Variants in KIRREL3 observed in about 807,000 individuals in gnomAD.
KIRREL3 encodes the protein kirre like nephrin family adhesion molecule 3.
In KIRREL3, 36 loss-of-function variants were observed where a neutral mutation model predicts 89.7. The observed-to-expected ratio is 0.40, with a 90% CI of 0.31 to 0.53. KIRREL3 has a LOEUF of 0.53. KIRREL3 is among the 20% of genes least tolerant of loss of function. The probability of loss-of-function intolerance (pLI) is 0.49; values close to 1 mark genes in which losing one functional copy is unlikely to be tolerated. For missense variants in KIRREL3, 864 were observed against 1,056.6 expected, an observed-to-expected ratio of 0.82 and a Z score of 2.53; for synonymous variants, 445 against 441.4, an observed-to-expected ratio of 1.01 and a Z score of -0.10.
intron 8 of KIRREL3, among the ~76,000 whole-genome samples, chr11:126,448,205 C>A (rs575205677): frequency 1.4e-5 from 2 of 148,058 alleles, no homozygotes; most frequent in South Asian, 4.2e-4. Flanking sequence ...ATCTCTTGAA[C>A]CAGGGAGTTG....
chr11:126,431,392 C>G lies in KIRREL3; in HGVS notation c.1696+27G>C. 6.2e-7 allele frequency: 1 copy of G among 1,613,424 alleles called. No individual in the cohort carries two copies. The highest frequency in any genetic ancestry group is 8.5e-7 in the Non-Finnish European group (1 of 1,179,676). ...CTGGCCTTTTTCTCTGTCCCCCTCC[C>G]TGAGATCCCGGATCTCCCTCCCGTA... On this transcript the variant is annotated intron_variant, in intron 14 of 16. Coordinates refer to ENST00000525144, the MANE Select transcript of KIRREL3 (RefSeq NM_032531.4). The surrounding 1 kb of genome is among the most constrained non-coding windows in gnomAD (Gnocchi z 7.1).
rs960707048 is a variant in KIRREL3, at chr11:126,697,568, G to C, written c.56-134656C>G. On this transcript the variant is annotated intron_variant, in intron 1 of 16. Transcript: ENST00000525144. This position sits in a 1 kb window ranked among gnomAD's most constrained non-coding sequence, Gnocchi z 4.2. ...TTTAATGAATGAATACATGAATAGTGATTAGAGATGAGGCCCCAGGACCTA... is the reference window on the plus strand; with the variant it reads ...TTTAATGAATGAATACATGAATAGTCATTAGAGATGAGGCCCCAGGACCTA... Among the ~76,000 whole-genome samples, 1 of 152,206 alleles carries C rather than the reference G, an allele frequency of 6.6e-6. No homozygotes were observed. Among genetic ancestry groups the C allele is most frequent in the Admixed American group, 6.5e-5 (1 of 15,282 alleles).
intron 4 of KIRREL3, among the ~76,000 whole-genome samples, chr11:126,511,276 A>T (rs1031236832): frequency 9.2e-5 from 14 of 151,790 alleles, no homozygotes; most frequent in Non-Finnish European, 1.5e-4. Context: ...GTGAGCTGAG[A>T]TCACGCCACT....
At chr11:126,971,938 A>G (rs1340916307) in intron 1 of KIRREL3, among the ~76,000 whole-genome samples, 1 of 152,188 alleles carries the variant, frequency 6.6e-6, no homozygotes, top group Non-Finnish European at 1.5e-5. Context: ...TCCAGGATAG[A>G]CAGATTAGTG....
chr11:126,435,894 C>T (rs1018732643), intron 12 of KIRREL3, among the ~76,000 whole-genome samples: 5 of 151,786 alleles, frequency 3.3e-5, no homozygotes, highest in African/African-American at 7.3e-5. Flanking sequence ...CCTCAGAGGC[C>T]CAGGCCCAGC....
At chr11:126,741,346 A>G (rs769244656) in intron 1 of KIRREL3, among the ~76,000 whole-genome samples, 3 of 152,132 alleles carry the variant, frequency 2.0e-5, no homozygotes. Context: ...CCCTTACTTA[A>G]TACTTACTAT....
At chr11:126,690,252 T>C (rs2135129518) in intron 1 of KIRREL3, among the ~76,000 whole-genome samples, 1 of 152,344 alleles carries the variant, frequency 6.6e-6, no homozygotes, top group Non-Finnish European at 1.5e-5. Flanking sequence ...CCCATCTCTG[T>C]ATTCTCCATC....
chr11:126,634,352 C>A (rs1944176118), intron 1 of KIRREL3, among the ~76,000 whole-genome samples: 1 of 152,186 alleles, frequency 6.6e-6, no homozygotes, highest in African/African-American at 2.4e-5. Context: ...GTGGAAGGTG[C>A]CATTGTTCCC....
chr11:126,959,838 C>A (rs561229241), intron 1 of KIRREL3, among the ~76,000 whole-genome samples: 1 of 152,282 alleles, frequency 6.6e-6, no homozygotes, highest in East Asian at 1.9e-4. Flanking sequence ...GCCTCCAGGA[C>A]CCCTCTCACA....
At position 126,594,726 on chromosome 11, in the gene KIRREL3, G is replaced by A. The variant is rs796151981; in HGVS notation, c.56-31814C>T. Among the ~76,000 whole-genome samples, 18 of 152,242 alleles carry A rather than the reference G, an allele frequency of 1.2e-4. 1 individual carries two copies. Among genetic ancestry groups the A allele is most frequent in the African/African-American group, 2.4e-4 (10 of 41,534 alleles). ...CTGGCCAACTCTCCTCTGTCCAGCC[G>A]CAGGTCCTCATAGAAAGGCAGAGAC... On this transcript the variant is annotated intron_variant, in intron 1 of 16. Coordinates refer to ENST00000525144, the MANE Select transcript of KIRREL3 (RefSeq NM_032531.4). This position sits in a 1 kb window ranked among gnomAD's most constrained non-coding sequence, Gnocchi z 5.0.
intron 1 of KIRREL3, among the ~76,000 whole-genome samples, chr11:126,855,018 C>A (rs1944463923): frequency 6.6e-6 from 1 of 152,176 alleles, no homozygotes; most frequent in East Asian, 1.9e-4. Flanking sequence ...TCAGCCCCAG[C>A]CCGAAGGCCC....
rs762839857 is a variant in KIRREL3 at position 126,773,913 on chromosome 11, T to C, written c.56-211001A>G. The stretch of plus-strand genomic sequence containing the variant: ...ACACCCCAGGGAGGTGAGGAGGTTG[T>C]GCACTTGTCCACTCTTAACTCTTTT... On this transcript the variant is annotated intron_variant, in intron 1 of 16. Coordinates refer to ENST00000525144, the MANE Select transcript of KIRREL3 (RefSeq NM_032531.4). The surrounding 1 kb of genome is among the most constrained non-coding windows in gnomAD (Gnocchi z 4.2). Among the ~76,000 whole-genome samples the C allele has an allele frequency of 3.9e-5, 6 of 152,208 alleles. No homozygotes were observed. Among genetic ancestry groups the C allele is most frequent in the African/African-American group, 9.6e-5 (4 of 41,452 alleles).
rs953418993 is a variant in KIRREL3 at position 126,531,838 on chromosome 11, G to A, written c.134-5151C>T. Among the ~76,000 whole-genome samples the A allele has an allele frequency of 1.3e-5, 2 of 152,180 alleles. No homozygotes were observed. Among genetic ancestry groups the A allele is most frequent in the African/African-American group, 4.8e-5 (2 of 41,436 alleles). On this transcript the variant is annotated intron_variant, in intron 2 of 16. Coordinates refer to ENST00000525144, the MANE Select transcript of KIRREL3 (RefSeq NM_032531.4). The surrounding 1 kb of genome is among the most constrained non-coding windows in gnomAD (Gnocchi z 4.7). ...TTTTCTGTCTTGTGTTCCCAGCTGT[G>A]GGTGAGCACCGGTTACACGTCTGTC...
intron 4 of KIRREL3, among the ~76,000 whole-genome samples, chr11:126,478,771 A>G (rs1194778682): frequency 1.3e-5 from 2 of 151,680 alleles, no homozygotes; most frequent in African/African-American, 4.8e-5. Context: ...GTGTGTGTAT[A>G]TGTGTGTTTG....
chr11:126,761,161 A>T lies in KIRREL3; in HGVS notation c.56-198249T>A, dbSNP rs535130904. Reference sequence around the variant, plus strand: ...ACTAGGGCTTGGAATACCTGTCTTGATCATTCTGAGAAGAATGGAAACACT... The same window carrying T: ...ACTAGGGCTTGGAATACCTGTCTTGTTCATTCTGAGAAGAATGGAAACACT... On this transcript the variant is annotated intron_variant, in intron 1 of 16. Transcript: ENST00000525144. This position sits in a 1 kb window ranked among gnomAD's most constrained non-coding sequence, Gnocchi z 4.4. Among the ~76,000 whole-genome samples the T allele has an allele frequency of 1.1e-4, 17 of 152,292 alleles. No individual in the cohort carries two copies. The South Asian group carries it at 3.3e-3, about 30-fold the overall frequency.
rs547461906 is a variant in KIRREL3, at chr11:126,551,806, C to T, written c.133+11029G>A. ...GATTACAGGCATGCGCCACCATGCC[C>T]GACTAATTTTTGTATTTTTAGTAGA... On this transcript the variant is annotated intron_variant, in intron 2 of 16. Transcript: ENST00000525144. This position sits in a 1 kb window ranked among gnomAD's most constrained non-coding sequence, Gnocchi z 4.9. Among the ~76,000 whole-genome samples the T allele has an allele frequency of 9.2e-5, 14 of 152,222 alleles. No homozygotes were observed. Among genetic ancestry groups the T allele is most frequent in the African/African-American group, 1.4e-4 (6 of 41,526 alleles).
At chr11:126,444,866 T>G (rs1304533770) in intron 10 of KIRREL3, 113 bp downstream of exon 10, 1 of 1,401,260 alleles carries the variant, frequency 7.1e-7, no homozygotes, top group Non-Finnish European at 9.7e-7. Flanking sequence ...TAGTTGGAGG[T>G]GACAGCAAGG....
Position 126,449,980 on chromosome 11 carries a change from C to T in KIRREL3, c.849-823G>A, listed in dbSNP as rs377344229. 2.6e-4 allele frequency among the ~76,000 whole-genome samples: 40 copies of T among 152,310 alleles called. No homozygotes were observed. The East Asian group carries it at 5.6e-3, about 21-fold the overall frequency. ...ACTGGCTTGGTGAGGGGATGTGAGT[C>T]GGAAGTCTCTTTTGTCGGCCAATCG... On this transcript the variant is annotated intron_variant, in intron 7 of 16. Transcript: ENST00000525144.
intron 1 of KIRREL3, among the ~76,000 whole-genome samples, chr11:126,603,556 TGACCCTGTCTCTGCA>T (rs1367363957): frequency 6.6e-6 from 1 of 152,244 alleles, no homozygotes; most frequent in Non-Finnish European, 1.5e-5. Flanking sequence ...CCTCACCTCC[TGACCCTGTCTCTGCA>T]GACATGCTGA....
Sources: gnomAD v4.1 joint callset for allele counts (sites outside exome capture counted in the v4.1 genomes callset) on GRCh38, gnomAD v4.1.1 for gene constraint, Gnocchi (gnomAD v3.1) non-coding constraint, MANE v1.5 for transcripts, NCBI Gene and HGNC (gene_info 2026-07-23, HGNC 2026-07-21) for gene names.